PDGFA: variants seen among roughly 807,000 people sequenced by gnomAD.
PDGFA encodes platelet-derived growth factor subunit A.
PDGFA carries 9 observed loss-of-function variants against 25.6 expected under a neutral mutation model. That is an observed-to-expected ratio of 0.35 (90% CI 0.21 to 0.61). The LOEUF (loss-of-function observed/expected upper bound fraction) is 0.61. PDGFA is among the 20% of genes least tolerant of loss of function. The pLI is 0.75. For missense variants in PDGFA, 242 were observed against 272.8 expected, an observed-to-expected ratio of 0.89 and a Z score of 0.79; for synonymous variants, 133 against 111.8, an observed-to-expected ratio of 1.19 and a Z score of -1.20.
intron 2 of PDGFA, among the ~76,000 whole-genome samples, chr7:514,313 G>C (rs1379268099): frequency 6.6e-6 from 1 of 152,156 alleles, no homozygotes. Flanking sequence ...TCTAGCCCTG[G>C]CTTAATAAAC....
rs537131025 is a variant in PDGFA at position 500,925 on chromosome 7, G to T, written c.580+191C>A. The T allele has an allele frequency of 6.3e-7, 1 of 1,588,894 alleles. No individual in the cohort carries two copies. Among genetic ancestry groups the T allele is most frequent in the East Asian group, 2.2e-5 (1 of 44,450 alleles). ...CGCAGCTTGGGCCACCCTCCCCACC[G>T]GACACCTGCAGGTGTGGGATCCGTC... On this transcript the variant is annotated intron_variant, in intron 5 of 5. Coordinates refer to ENST00000402802, the Ensembl canonical transcript of PDGFA. The surrounding 1 kb of genome is among the most constrained non-coding windows in gnomAD (Gnocchi z 5.0).
intron 4 of PDGFA, among the ~76,000 whole-genome samples, chr7:503,187 C>T (rs773714770): frequency 6.6e-6 from 1 of 152,160 alleles, no homozygotes; most frequent in Non-Finnish European, 1.5e-5. Context: ...GCTAGGCTGT[C>T]CCACCTGCCC....
At chr7:503,485 C>A (rs1782439957) in intron 4 of PDGFA, among the ~76,000 whole-genome samples, 1 of 152,192 alleles carries the variant, frequency 6.6e-6, no homozygotes, top group East Asian at 1.9e-4. Flanking sequence ...CAGATGCCCC[C>A]AGCCCAGTGG....
exon 6 of PDGFA, chr7:497,428 C>A (rs1227566491): frequency 6.6e-6 from 1 of 152,114 alleles, no homozygotes; most frequent in Non-Finnish European, 1.5e-5. Flanking sequence ...CAATATCTTA[C>A]CAAAAATAAA....
rs1264831232 is a variant in PDGFA at position 500,931 on chromosome 7, C to T, written c.580+185G>A. The stretch of plus-strand genomic sequence containing the variant: ...TTGGGCCACCCTCCCCACCGGACAC[C>T]TGCAGGTGTGGGATCCGTCTCCCCC... On this transcript the variant is annotated intron_variant, in intron 5 of 5. Transcript: ENST00000402802. The surrounding 1 kb of genome is among the most constrained non-coding windows in gnomAD (Gnocchi z 5.0). The T allele has an allele frequency of 1.5e-5, 24 of 1,591,326 alleles. No individual in the cohort carries two copies. Among genetic ancestry groups the T allele is most frequent in the Non-Finnish European group, 9.4e-6 (11 of 1,176,166 alleles).
At chr7:498,340 G>T in exon 6 of PDGFA, 36 of 517,354 alleles carry the variant, frequency 7.0e-5, no homozygotes, top group South Asian at 1.8e-4. Context: ...CTCTCTTTTT[G>T]ACAAGGAAGC....
At chr7:513,330 G>A (rs1001989015) in intron 2 of PDGFA, 1 of 152,540 alleles carries the variant, frequency 6.6e-6, no homozygotes, top group Non-Finnish European at 1.5e-5. Context: ...CCCCTTCACA[G>A]GCGCTGACGG....
intron 4 of PDGFA, among the ~76,000 whole-genome samples, chr7:505,930 T>A (rs1226525281): frequency 1.3e-5 from 2 of 151,988 alleles, no homozygotes; most frequent in Non-Finnish European, 2.9e-5. Flanking sequence ...TCCCAGCACT[T>A]TGGGAGGTCG....
At chr7:508,508 C>T (rs1458144919) in intron 4 of PDGFA, among the ~76,000 whole-genome samples, 1 of 138,712 alleles carries the variant, frequency 7.2e-6, no homozygotes, top group African/African-American at 2.7e-5. Flanking sequence ...TGCAGCAAAC[C>T]ATGATCGCAC....
chr7:511,217 GA>G (rs1782816565), intron 3 of PDGFA, among the ~76,000 whole-genome samples: 1 of 151,460 alleles, frequency 6.6e-6, no homozygotes, highest in Admixed American at 6.6e-5. Context: ...CTGCAGGCTG[GA>G]GGGACCTGGA....
chr7:505,887 A>T (rs1782540292), intron 4 of PDGFA, among the ~76,000 whole-genome samples: 1 of 152,102 alleles, frequency 6.6e-6, no homozygotes, highest in Non-Finnish European at 1.5e-5. Context: ...GGTCATGAGG[A>T]CCCCAGCTGG....
intron 2 of PDGFA, among the ~76,000 whole-genome samples, chr7:516,977 G>T (rs1263028472): frequency 6.6e-6 from 1 of 151,228 alleles, no homozygotes; most frequent in Admixed American, 6.6e-5. Context: ...CCGCCCGTCG[G>T]ACCGGGAGCC....
At chr7:505,184 A>G (rs538564557) in intron 4 of PDGFA, among the ~76,000 whole-genome samples, 1 of 152,330 alleles carries the variant, frequency 6.6e-6, no homozygotes, top group African/African-American at 2.4e-5. Flanking sequence ...TCCAAAGAAC[A>G]GACTACAATG....
At chr7:511,235 G>T (rs1423160509) in intron 3 of PDGFA, among the ~76,000 whole-genome samples, 2 of 148,718 alleles carry the variant, frequency 1.3e-5, no homozygotes, top group African/African-American at 2.5e-5. Flanking sequence ...TGGACAGGTG[G>T]GGCCAGTGGC....
chr7:498,618 G>A, intron 5 of PDGFA, 44 bp from the exon 6 acceptor site: 1 of 1,602,184 alleles, frequency 6.2e-7, no homozygotes, highest in Non-Finnish European at 8.5e-7. Context: ...CACCGACCAA[G>A]TGAACCACCC....
chr7:501,070 G>A (rs2128390310), intron 5 of PDGFA, 46 bp downstream of exon 5: 1 of 1,614,006 alleles, frequency 6.2e-7, no homozygotes, highest in South Asian at 1.1e-5. Flanking sequence ...GCAAGGCTCT[G>A]AAGACCTGTT....
chr7:498,998 C>T (rs62433298), intron 5 of PDGFA, among the ~76,000 whole-genome samples: 37,274 of 152,178 alleles, frequency 0.24, 4,707 homozygotes, highest in East Asian at 0.38. Context: ...AGTCTGCACC[C>T]AGGCAGACCT....
intron 4 of PDGFA, among the ~76,000 whole-genome samples, chr7:502,618 G>A (rs1012497844): frequency 2.6e-5 from 4 of 152,154 alleles, no homozygotes; most frequent in Admixed American, 6.5e-5. Flanking sequence ...GCCTGTCTGC[G>A]AGCCACGCCT....
At chr7:512,817 AGGGGCCT>A (rs1399725783) in intron 2 of PDGFA, 2 of 425,490 alleles carry the variant, frequency 4.7e-6, no homozygotes, top group Non-Finnish European at 8.1e-6. Flanking sequence ...CCGGGGCAGG[AGGGGCCT>A]GAGGCCGCCC....
Sources: gnomAD v4.1 joint callset for allele counts (sites outside exome capture counted in the v4.1 genomes callset) on GRCh38, gnomAD v4.1.1 for gene constraint, Gnocchi (gnomAD v3.1) non-coding constraint, MANE v1.5 for transcripts, NCBI Gene and HGNC (gene_info 2026-07-23, HGNC 2026-07-21) for gene names.